ADGRL3: variants seen among roughly 807,000 people sequenced by gnomAD.
The protein encoded by ADGRL3 is calcium-independent alpha-latrotoxin receptor 3.
ADGRL3 carries 62 observed loss-of-function variants against 153.5 expected under a neutral mutation model. The ratio of observed to expected loss-of-function variants is 0.40; its 90% CI spans 0.33 to 0.50. ADGRL3 has a LOEUF of 0.50. Ranked by LOEUF, ADGRL3 falls within the 20% of genes least tolerant of loss-of-function variation. The pLI, the probability that ADGRL3 is intolerant of heterozygous loss-of-function variation, is 0.47. For missense variants in ADGRL3, 1,641 were observed against 1,859.4 expected, an observed-to-expected ratio of 0.88 and a Z score of 2.16; for synonymous variants, 710 against 672.5, an observed-to-expected ratio of 1.06 and a Z score of -0.86.
intron 2 of ADGRL3, among the ~76,000 whole-genome samples, chr4:61,396,032 A>G (rs1265552289): frequency 6.6e-6 from 1 of 152,016 alleles, no homozygotes; most frequent in Non-Finnish European, 1.5e-5. Context: ...TGGGAAAACC[A>G]CATCTGAATT....
chr4:61,497,600 C>T (rs577002578), intron 3 of ADGRL3, among the ~76,000 whole-genome samples: 44 of 147,752 alleles, frequency 3.0e-4, no homozygotes, highest in Non-Finnish European at 2.8e-4. Flanking sequence ...ACTGCAACCT[C>T]TGTCTCCTGG....
At chr4:61,256,153 T>C (rs2091943852) in intron 1 of ADGRL3, among the ~76,000 whole-genome samples, 1 of 152,228 alleles carries the variant, frequency 6.6e-6, no homozygotes, top group Non-Finnish European at 1.5e-5. Flanking sequence ...TAACTTTACT[T>C]TTCCTTCTGA....
At chr4:62,036,300 C>A (rs906550031) in intron 23 of ADGRL3, among the ~76,000 whole-genome samples, 2 of 151,914 alleles carry the variant, frequency 1.3e-5, no homozygotes, top group African/African-American at 4.8e-5. Flanking sequence ...ATTTCAACTT[C>A]ACTCTGTAAA....
At chr4:61,498,813 T>C (rs1420421840) in intron 3 of ADGRL3, among the ~76,000 whole-genome samples, 1 of 152,164 alleles carries the variant, frequency 6.6e-6, no homozygotes, top group Non-Finnish European at 1.5e-5. Flanking sequence ...TAATATTCAC[T>C]GAATCTCTCT....
chr4:61,798,556 A>G lies in ADGRL3; in HGVS notation c.1400-15253A>G, dbSNP rs2097443353. Among the ~76,000 whole-genome samples, 7 of 152,168 alleles carry G rather than the reference A, an allele frequency of 4.6e-5. No individual in the cohort carries two copies. In the South Asian group the frequency reaches 1.0e-3, roughly 23 times the overall value. ...TACATCTTCCTCTGCCATATTTAAC[A>G]TATTTTTTGAACCAAGGAAAGTAGG... On this transcript the variant is annotated intron_variant, in intron 8 of 26. Transcript: ENST00000683033.
chr4:62,010,518 C>A (rs2099180644), intron 21 of ADGRL3, among the ~76,000 whole-genome samples: 1 of 152,078 alleles, frequency 6.6e-6, no homozygotes, highest in South Asian at 2.1e-4. Flanking sequence ...AAATATCTCA[C>A]CCTACATTAT....
intron 4 of ADGRL3, among the ~76,000 whole-genome samples, chr4:61,518,774 C>T (rs1307266559): frequency 6.6e-6 from 1 of 152,108 alleles, no homozygotes; most frequent in Non-Finnish European, 1.5e-5. Context: ...ACCATAGAAG[C>T]CTGTAGAATG....
intron 5 of ADGRL3, among the ~76,000 whole-genome samples, chr4:61,654,010 T>G (rs2094360398): frequency 6.6e-6 from 1 of 152,180 alleles, no homozygotes; most frequent in Non-Finnish European, 1.5e-5. Flanking sequence ...TTCCATATAT[T>G]TAGGATTTCC....
chr4:61,536,207 A>T (rs11721793), intron 4 of ADGRL3, among the ~76,000 whole-genome samples: 85,251 of 151,818 alleles, frequency 0.56, 24,151 homozygotes, highest in African/African-American at 0.62. Context: ...TTCCCTGTGG[A>T]ACTGGTTTCT....
At chr4:61,856,464 C>A (rs918068546) in intron 9 of ADGRL3, among the ~76,000 whole-genome samples, 18 of 142,940 alleles carry the variant, frequency 1.3e-4, no homozygotes, top group African/African-American at 4.4e-4. Context: ...CTTTTCTTTT[C>A]TTTTCTTTTC....
intron 4 of ADGRL3, among the ~76,000 whole-genome samples, chr4:61,532,273 GCTTGT>G (rs1037587973): frequency 3.4e-4 from 52 of 152,128 alleles, no homozygotes; most frequent in African/African-American, 1.2e-3. Flanking sequence ...TAGAATAAAA[GCTTGT>G]ATGACTTGGA....
chr4:61,512,825 G>A (rs1343933015), intron 3 of ADGRL3, among the ~76,000 whole-genome samples: 1 of 152,172 alleles, frequency 6.6e-6, no homozygotes, highest in South Asian at 2.1e-4. Context: ...GGATTAGGCG[G>A]GTATGTTCAG....
At chr4:61,790,634 C>T (rs1048659073) in intron 8 of ADGRL3, among the ~76,000 whole-genome samples, 1 of 152,144 alleles carries the variant, frequency 6.6e-6, no homozygotes, top group Non-Finnish European at 1.5e-5. Context: ...GGAAATATGT[C>T]TTAATCCTTT....
At chr4:61,586,715 G>C (rs1350326866) in intron 4 of ADGRL3, among the ~76,000 whole-genome samples, 2 of 152,002 alleles carry the variant, frequency 1.3e-5, no homozygotes, top group East Asian at 3.9e-4. Flanking sequence ...TAAATAAATA[G>C]CAAGCATTAG....
chr4:61,471,459 T>C (rs2152685081), intron 2 of ADGRL3, among the ~76,000 whole-genome samples: 1 of 152,032 alleles, frequency 6.6e-6, no homozygotes, highest in Non-Finnish European at 1.5e-5. Context: ...ACCAATTTGT[T>C]TGTTTTTTCA....
chr4:61,316,748 A>G (rs376159049), intron 1 of ADGRL3, among the ~76,000 whole-genome samples: 1 of 152,228 alleles, frequency 6.6e-6, no homozygotes, highest in Admixed American at 6.5e-5. Context: ...AAATGATTCT[A>G]TTAAGTTCTA....
intron 8 of ADGRL3, among the ~76,000 whole-genome samples, chr4:61,805,874 G>A (rs1262371060): frequency 6.6e-6 from 1 of 152,114 alleles, no homozygotes; most frequent in Admixed American, 6.6e-5. Flanking sequence ...CTCCATGAAT[G>A]TTTTCTGCTA....
intron 1 of ADGRL3, among the ~76,000 whole-genome samples, chr4:61,286,059 G>A (rs1249398293): frequency 6.6e-6 from 1 of 151,170 alleles, no homozygotes. Context: ...CATTCTCTCA[G>A]AATCATTTAA....
At chr4:61,670,275 A>G (rs1047041691) in intron 5 of ADGRL3, among the ~76,000 whole-genome samples, 1 of 152,158 alleles carries the variant, frequency 6.6e-6, no homozygotes, top group Non-Finnish European at 1.5e-5. Context: ...ACTTGGTGAC[A>G]GAGCAAGACT....
Sources: gnomAD v4.1 joint callset for allele counts (sites outside exome capture counted in the v4.1 genomes callset) on GRCh38, gnomAD v4.1.1 for gene constraint, MANE v1.5 for transcripts, NCBI Gene and HGNC (gene_info 2026-07-23, HGNC 2026-07-21) for gene names.